The following RGPD4 variants were observed in gnomAD, a reference collection of about 807,000 sequenced individuals.
RGPD4 encodes RANBP2 like and GRIP domain containing 4.
In RGPD4, 84 loss-of-function variants were observed where a neutral mutation model predicts 141.1. The ratio of observed to expected loss-of-function variants is 0.60; its 90% confidence interval spans 0.50 to 0.71. The LOEUF is 0.71. RGPD4 is among the 30% of genes least tolerant of loss of function. The pLI, the probability that RGPD4 is intolerant of heterozygous loss-of-function variation, is 0.00. For synonymous variants in RGPD4, 298 were observed against 566.8 expected, an observed-to-expected ratio of 0.53 and a Z score of 6.74; for missense variants, 918 against 1,622.4, an observed-to-expected ratio of 0.57 and a Z score of 7.46.
intron 22 of RGPD4, among the ~76,000 whole-genome samples, chr2:107,883,726 C>T (rs908720617): frequency 6.7e-6 from 1 of 149,970 alleles, no homozygotes; most frequent in Non-Finnish European, 1.5e-5. Context: ...CTTTGAAATG[C>T]TTCATATACA....
At chr2:107,831,247 TA>T (rs1368684011) in intron 1 of RGPD4, among the ~76,000 whole-genome samples, 1 of 149,612 alleles carries the variant, frequency 6.7e-6, no homozygotes, top group Non-Finnish European at 1.5e-5. Context: ...GGCTTCTGTT[TA>T]GTTTTTCTAT....
intron 1 of RGPD4, among the ~76,000 whole-genome samples, chr2:107,833,680 A>C (rs1681572839): frequency 6.6e-6 from 1 of 150,938 alleles, no homozygotes; most frequent in African/African-American, 2.4e-5. Context: ...GAAGCAAAGA[A>C]GGTAATGGAA....
chr2:107,835,096 T>A (rs1249693598), intron 1 of RGPD4, among the ~76,000 whole-genome samples: 4,285 of 43,704 alleles, frequency 0.098, no homozygotes, highest in East Asian at 0.38. Flanking sequence ...TTTTTTTTTT[T>A]TGAGATGGAA....
intron 20 of RGPD4, among the ~76,000 whole-genome samples, chr2:107,875,483 T>C (rs2104505639): frequency 1.4e-5 from 2 of 139,524 alleles, no homozygotes; most frequent in Middle Eastern, 7.0e-3. Flanking sequence ...TCTCAGAATG[T>C]TTCCCTGTCA....
At chr2:107,867,261 A>C (rs1051230832) in intron 18 of RGPD4, among the ~76,000 whole-genome samples, 7 of 151,902 alleles carry the variant, frequency 4.6e-5, no homozygotes, top group African/African-American at 1.7e-4. Context: ...TGGTAGTAGT[A>C]GTGCCCTTTT....
rs1681709312 is a variant in RGPD4, at chr2:107,837,948, TA to T, written c.141-305del. ...ATTTGCAAAACTGTTAGTGCTTTAT[TA>T]AAATGTGATCAGGAAGAAAAAGCAA... On this transcript the variant is annotated intron_variant, in intron 2 of 22. Coordinates refer to ENST00000408999, the MANE Select transcript of RGPD4 (RefSeq NM_182588.3). Among the ~76,000 whole-genome samples the T allele has an allele frequency of 2.2e-3, 2 of 898 alleles. 1 individual carries two copies. The highest frequency in any genetic ancestry group is 0.013 in the Admixed American group (2 of 156). The allele number at this position is 898 out of a possible 152,430, so 0.6% of individuals were successfully genotyped here.
At chr2:107,859,701 G>A (rs778517412) in intron 11 of RGPD4, 21 bp from the exon 12 acceptor site, 3 of 1,611,210 alleles carry the variant, frequency 1.9e-6, no homozygotes, top group Admixed American at 3.3e-5. Context: ...AGCAATTTTA[G>A]TAAATTGAAC....
chr2:107,880,012 C>A lies in RGPD4; in HGVS notation c.4969C>A (p.Gln1657Lys). 6.2e-7 allele frequency: 1 copy of A among 1,611,372 alleles called. No homozygotes were observed. The highest frequency in any genetic ancestry group is 8.5e-7 in the Non-Finnish European group (1 of 1,179,812). The change falls in exon 21 of 23, where the codon CAG becomes AAG. Residue 1657 changes from glutamine to lysine, a missense_variant. Transcript: ENST00000408999. ...TGAATTTACCAAAGAAGAATTGGTT[C>A]AGAAGCTCAGTTCCACCACAAAAAG... is the stretch of plus-strand genomic sequence containing the variant. ...HAEFTKEELV[Q>K]KLSSTTKSAD... is the part of the protein sequence containing the mutation.
At chr2:107,874,008 AG>A (rs1381317791) in intron 20 of RGPD4, among the ~76,000 whole-genome samples, 27 of 148,662 alleles carry the variant, frequency 1.8e-4, no homozygotes, top group African/African-American at 6.3e-4. Context: ...TGCATGTTAA[AG>A]AATGCCAGTT....
At position 107,871,348 on chromosome 2, in the gene RGPD4, C is replaced by T. The variant is rs758889509; in HGVS notation, c.3344C>T (p.Thr1115Met). 1.1e-4 allele frequency: 172 copies of T among 1,588,538 alleles called. 1 individual carries two copies. In the Middle Eastern group the frequency reaches 1.1e-3, roughly 10 times the overall value. ...VLKVCANHWI[T>M]TTMNLKPLSG... ...AAAGTGTGTGCTAATCATTGGATAA[C>T]GACTACAATGAACCTGAAGCCCCTG... is the stretch of plus-strand genomic sequence containing the variant. The change falls in exon 20 of 23, where the codon ACG (threonine) becomes ATG (methionine). Residue 1115 changes from threonine to methionine, a missense_variant. By Grantham distance (81) the Thr-to-Met change is moderately conservative. Transcript: ENST00000408999.
chr2:107,830,564 G>C (rs1359020278), intron 1 of RGPD4, among the ~76,000 whole-genome samples: 1 of 152,046 alleles, frequency 6.6e-6, no homozygotes, highest in Non-Finnish European at 1.5e-5. Flanking sequence ...CAAATTGAAA[G>C]TCATTTACAT....
rs560592857 is a variant in RGPD4 at position 107,872,138 on chromosome 2, C to T, written c.4134C>T (p.Gly1378=). 1.1e-5 allele frequency: 18 copies of T among 1,611,382 alleles called. No individual in the cohort carries two copies. The South Asian group carries it at 1.9e-4, about 17-fold the overall frequency. The stretch of plus-strand genomic sequence containing the variant: ...ATGTTGGTCAATGGAAAGAAAGGGG[C>T]ATTGGTGATATAAAGATTTTACAGA... ...DKDVGQWKER[G]IGDIKILQNY... The change falls in exon 20 of 23, where the codon GGC becomes GGT. Residue 1378 remains glycine, a synonymous_variant. Transcript: ENST00000408999.
intron 22 of RGPD4, among the ~76,000 whole-genome samples, chr2:107,888,753 A>G (rs1675575217): frequency 1.0e-5 from 1 of 99,100 alleles, no homozygotes; most frequent in Admixed American, 9.7e-5. Context: ...CTACCATCCC[A>G]GAGGCAAGGA....
intron 6 of RGPD4, among the ~76,000 whole-genome samples, chr2:107,844,263 C>CA (rs1681836637): frequency 6.6e-6 from 1 of 151,742 alleles, no homozygotes; most frequent in Admixed American, 6.6e-5. Flanking sequence ...TTCCATTGAA[C>CA]AAAAACATCA....
chr2:107,860,791 A>T lies in RGPD4; in HGVS notation c.1784A>T (p.Asp595Val). 2 of 1,610,270 alleles carry T rather than the reference A, an allele frequency of 1.2e-6. No individual in the cohort carries two copies. Among genetic ancestry groups the T allele is most frequent in the Non-Finnish European group, 1.7e-6 (2 of 1,179,498 alleles). ...KMGSGLNSFY[D>V]QREYIGRSVH... The stretch of plus-strand genomic sequence containing the variant: ...GGCAGTGGTCTTAATTCTTTTTATG[A>T]TCAACGAGAATACATAGGGAGAAGT... The change falls in exon 13 of 23, where the codon GAT becomes GTT. Residue 595 changes from aspartate (D) to valine (V), a missense_variant. Transcript: ENST00000408999.
chr2:107,883,415 A>G (rs1573534952), intron 22 of RGPD4, among the ~76,000 whole-genome samples: 1 of 151,446 alleles, frequency 6.6e-6, no homozygotes, highest in East Asian at 1.9e-4. Flanking sequence ...GCGGATCACA[A>G]GATCAAGATA....
At chr2:107,878,618 T>G (rs1683161470) in intron 20 of RGPD4, among the ~76,000 whole-genome samples, 1 of 140,216 alleles carries the variant, frequency 7.1e-6, no homozygotes, top group African/African-American at 2.7e-5. Flanking sequence ...CTGTTTGCAT[T>G]AGGGTTCTCT....
chr2:107,829,690 CCG>C (rs1558786673), intron 1 of RGPD4, among the ~76,000 whole-genome samples: 1 of 152,136 alleles, frequency 6.6e-6, no homozygotes, highest in African/African-American at 2.4e-5. Context: ...CCTGGGGGGA[CCG>C]CGGCGGGCGG....
At chr2:107,854,699 G>C (rs1170123669) in intron 8 of RGPD4, 56 bp downstream of exon 8, 4 of 1,562,682 alleles carry the variant, frequency 2.6e-6, no homozygotes. Context: ...TTCTGTTAAG[G>C]CATATCTTAT....
Sources: allele counts gnomAD v4.1 joint callset (sites outside exome capture counted in the v4.1 genomes callset), GRCh38; gene constraint gnomAD v4.1.1; transcripts MANE v1.5; gene names NCBI Gene and HGNC (gene_info 2026-07-23, HGNC 2026-07-21).